RAF1: variants seen among roughly 807,000 people sequenced by gnomAD.
RAF1 encodes the protein RAF proto-oncogene serine/threonine-protein kinase.
Under a neutral mutation model 81.1 loss-of-function variants are expected in RAF1, and 27 were observed. That is an observed-to-expected ratio of 0.33 (90% CI 0.25 to 0.46). RAF1 has a LOEUF of 0.46. RAF1 is among the 20% of genes least tolerant of loss of function. The probability of loss-of-function intolerance (pLI) is 1.00; values close to 1 mark genes in which losing one functional copy is unlikely to be tolerated. For missense variants in RAF1, 598 were observed against 826.0 expected, an observed-to-expected ratio of 0.72 and a Z score of 3.38; for synonymous variants, 298 against 294.0, an observed-to-expected ratio of 1.01 and a Z score of -0.14.
At chr3:12,634,816 TGAATG>T (rs2059970323) in intron 1 of RAF1, among the ~76,000 whole-genome samples, 1 of 151,936 alleles carries the variant, frequency 6.6e-6, no homozygotes, top group Non-Finnish European at 1.5e-5. Flanking sequence ...TTGGAGGAGG[TGAATG>T]GTAAAACCTG....
chr3:12,633,372 A>G (rs2059918188), intron 1 of RAF1, among the ~76,000 whole-genome samples: 1 of 151,682 alleles, frequency 6.6e-6, no homozygotes, highest in South Asian at 2.1e-4. Context: ...ACTCCCAGGT[A>G]TAGGCTGAGG....
chr3:12,623,785 G>A (rs1443593068), intron 1 of RAF1, among the ~76,000 whole-genome samples: 4 of 131,518 alleles, frequency 3.0e-5, no homozygotes, highest in East Asian at 2.2e-4. Flanking sequence ...GCGACAGAGC[G>A]AGACTCTGTC....
chr3:12,583,609 AAATTT>A lies in RAF1; in HGVS notation c.*900_*904del, dbSNP rs752543784. The stretch of plus-strand genomic sequence containing the variant: ...GAGGTAACAGCCAGCCATTACACCT[AAATTT>A]AATTTATTTTATTAAAATAACATAA... On this transcript the variant is annotated 3_prime_UTR_variant, in exon 18 of 18. Transcript: ENST00000442415. 8 of 231,172 alleles carry A rather than the reference AAATTT, an allele frequency of 3.5e-5. No homozygotes were observed. The highest frequency in any genetic ancestry group is 8.8e-5 in the African/African-American group (4 of 45,230). The allele number at this position is 231,172 out of a possible 1,614,324, so 14.3% of individuals were successfully genotyped here.
At chr3:12,599,898 G>A in intron 10 of RAF1, 90 bp from the exon 10 acceptor site, 3 of 1,215,996 alleles carry the variant, frequency 2.5e-6, no homozygotes, top group South Asian at 2.4e-5. Flanking sequence ...CATGTCATCT[G>A]TTTCCATATC....
chr3:12,585,682 A>G lies in RAF1; in HGVS notation c.1595T>C (p.Met532Thr), dbSNP rs886042042. 1.2e-6 allele frequency: 2 copies of G among 1,611,254 alleles called. No homozygotes were observed. The highest frequency in any genetic ancestry group is 1.7e-6 in the Non-Finnish European group (2 of 1,177,340). ...GCTGGTGGGAGCCCAGATTCTCACC[A>G]TCCAGAGGACAGAGCCAGTAGGTTG... Residue 532 changes from methionine (M) to threonine (T), a missense_variant and splice_region_variant, in exon 15 of 18, where the codon ATG (methionine) becomes ACG (threonine). Coordinates refer to ENST00000442415, the MANE Select transcript of RAF1 (RefSeq NM_001354689.3).
At chr3:12,626,415 C>T (rs1477008810) in intron 1 of RAF1, among the ~76,000 whole-genome samples, 1 of 151,242 alleles carries the variant, frequency 6.6e-6, no homozygotes, top group Admixed American at 6.6e-5. Flanking sequence ...ATACCAAGAC[C>T]CCGTCTGTAC....
At position 12,600,394 on chromosome 3, in the gene RAF1, C is replaced by T. The variant is rs147453956; in HGVS notation, c.916G>A (p.Glu306Lys). 10 of 1,614,112 alleles carry T rather than the reference C, an allele frequency of 6.2e-6. No homozygotes were observed. Among genetic ancestry groups the T allele is most frequent in the Admixed American group, 3.3e-5 (2 of 60,016 alleles). The change falls in exon 9 of 18, where the codon GAA (glutamate) becomes AAA (lysine). Residue 306 changes from glutamate (E) to lysine (K), a missense_variant. This residue lies in a region of RAF1 where 194 missense variants were observed against 202.7 expected (regional missense o/e 0.96). Transcript: ENST00000442415. ...AATGACTATGGAAAAGTACCTGATT[C>T]GCTGTGACTTCGAATTGCATCCTGA...
At chr3:12,609,034 C>T (rs2125417808) in intron 4 of RAF1, 111 bp from the exon 5 acceptor site, 1 of 1,250,600 alleles carries the variant, frequency 8.0e-7, no homozygotes, top group Non-Finnish European at 1.2e-6. Flanking sequence ...ATACTTCCAG[C>T]ATGTACAGAA....
intron 6 of RAF1, among the ~76,000 whole-genome samples, chr3:12,605,425 T>C (rs570026034): frequency 1.3e-5 from 2 of 152,138 alleles, no homozygotes; most frequent in African/African-American, 4.8e-5. Flanking sequence ...AAAAGGCACA[T>C]ATCACCACAC....
At chr3:12,632,024 T>C (rs936658062) in intron 1 of RAF1, among the ~76,000 whole-genome samples, 55 of 152,182 alleles carry the variant, frequency 3.6e-4, no homozygotes, top group African/African-American at 1.3e-3. Flanking sequence ...TTTAAATGTT[T>C]GATAATAAAT....
intron 8 of RAF1, chr3:12,603,352 T>C (rs1352467501): frequency 5.5e-6 from 3 of 545,898 alleles, no homozygotes; most frequent in Non-Finnish European, 9.8e-6. Context: ...AAAGAAAACA[T>C]GGAAACAAGT....
intron 1 of RAF1, among the ~76,000 whole-genome samples, chr3:12,660,906 A>C (rs1671763663): frequency 6.6e-6 from 1 of 152,168 alleles, no homozygotes; most frequent in Non-Finnish European, 1.5e-5. Context: ...CCCAGGAGGC[A>C]GAGGTCGCAG....
chr3:12,623,217 G>C (rs1021296989), intron 1 of RAF1, among the ~76,000 whole-genome samples: 10 of 152,060 alleles, frequency 6.6e-5, no homozygotes, highest in Admixed American at 1.3e-4. Flanking sequence ...TTCAACTGTG[G>C]GGGAAGACTG....
intron 1 of RAF1, among the ~76,000 whole-genome samples, chr3:12,659,735 C>T (rs748054961): frequency 6.6e-6 from 1 of 152,122 alleles, no homozygotes; most frequent in Non-Finnish European, 1.5e-5. Flanking sequence ...TTTATGGTTT[C>T]ATAAACCCCC....
intron 1 of RAF1, among the ~76,000 whole-genome samples, chr3:12,657,371 G>C (rs1165911990): frequency 6.6e-6 from 1 of 152,178 alleles, no homozygotes; most frequent in Non-Finnish European, 1.5e-5. Flanking sequence ...GAGAACAAAG[G>C]AGAACGTAGA....
chr3:12,621,555 AAAG>A, intron 1 of RAF1, among the ~76,000 whole-genome samples: 1 of 152,366 alleles, frequency 6.6e-6, no homozygotes, highest in South Asian at 2.1e-4. Flanking sequence ...TCTTTTTGGG[AAAG>A]AATACGGTAA....
At chr3:12,648,049 A>T (rs993134723) in intron 1 of RAF1, among the ~76,000 whole-genome samples, 6 of 152,206 alleles carry the variant, frequency 3.9e-5, no homozygotes, top group African/African-American at 1.4e-4. Context: ...TCTCACCACA[A>T]ATAAGCTTAA....
chr3:12,614,516 T>C (rs2059313967), intron 2 of RAF1, among the ~76,000 whole-genome samples: 2 of 152,152 alleles, frequency 1.3e-5, no homozygotes, highest in Admixed American at 6.5e-5. Flanking sequence ...CATGTACCCT[T>C]TACCACCCCA....
chr3:12,649,975 T>C (rs1051415893), intron 1 of RAF1, among the ~76,000 whole-genome samples: 1 of 151,606 alleles, frequency 6.6e-6, no homozygotes, highest in Admixed American at 6.6e-5. Context: ...TGAAACCCCA[T>C]CTCTACTAAA....
Sources: gnomAD v4.1 joint callset for allele counts (sites outside exome capture counted in the v4.1 genomes callset) on GRCh38, gnomAD v4.1.1 for gene constraint, gnomAD v4.1.1 regional missense constraint, MANE v1.5 for transcripts, NCBI Gene and HGNC (gene_info 2026-07-23, HGNC 2026-07-21) for gene names.